The following PDGFC variants were observed in gnomAD, a reference collection of about 807,000 sequenced individuals.
PDGFC encodes platelet derived growth factor C.
Under a neutral mutation model 35.5 loss-of-function variants are expected in PDGFC, and 12 were observed. That is an observed-to-expected ratio of 0.34 (90% confidence interval 0.22 to 0.55). The LOEUF (loss-of-function observed/expected upper bound fraction) is 0.55, where lower values mean the gene tolerates loss of function less well. PDGFC is among the 20% of genes least tolerant of loss of function. PDGFC has a pLI of 0.91. For missense variants in PDGFC, 322 were observed against 412.4 expected (o/e 0.78, Z 1.90); for synonymous variants, 159 against 148.8 (o/e 1.07, Z -0.50).
chr4:156,966,282 T>C lies in PDGFC; in HGVS notation c.118+4504A>G, dbSNP rs185842988. Among the ~76,000 whole-genome samples, 894 of 152,280 alleles carry C rather than the reference T, an allele frequency of 5.9e-3. 3 individuals carry two copies. The highest frequency in any genetic ancestry group is 0.014 in the Middle Eastern group (4 of 294). On this transcript the variant is annotated intron_variant, in intron 1 of 5. Coordinates refer to ENST00000502773, the MANE Select transcript of PDGFC (RefSeq NM_016205.3). Reference sequence around the variant, plus strand: ...GAGATTGCTTAATAAATGAGTTATATAGAGATTACATAGAGTTACACAGAG... The same window carrying C: ...GAGATTGCTTAATAAATGAGTTATACAGAGATTACATAGAGTTACACAGAG...
intron 1 of PDGFC, among the ~76,000 whole-genome samples, chr4:156,912,885 T>C (rs564177281): frequency 6.6e-6 from 1 of 152,168 alleles, no homozygotes; most frequent in East Asian, 1.9e-4. Context: ...CTAAAATAGC[T>C]GGAGGGATTA....
chr4:156,799,605 C>T (rs1300460166), intron 3 of PDGFC, among the ~76,000 whole-genome samples: 1 of 152,130 alleles, frequency 6.6e-6, no homozygotes, highest in Non-Finnish European at 1.5e-5. Flanking sequence ...TTTTATTCTC[C>T]TATTTCTTAG....
chr4:156,825,590 TAATAAGAAGAAGAAGAAGAAGAAG>T (rs1181930394), intron 2 of PDGFC, among the ~76,000 whole-genome samples: 1,488 of 78,218 alleles, frequency 0.019, 7 homozygotes, highest in Middle Eastern at 0.025. Flanking sequence ...ATAATAATAA[TAATAAGAAGAAGAAGAAGAAGAAG>T]AAGAAGAAGA....
intron 1 of PDGFC, among the ~76,000 whole-genome samples, chr4:156,935,937 T>C (rs1208214889): frequency 6.6e-6 from 1 of 152,194 alleles, no homozygotes; most frequent in African/African-American, 2.4e-5. Flanking sequence ...AAAATCTATA[T>C]ACTGACTATT....
chr4:156,952,189 C>T (rs1732100014), intron 1 of PDGFC, among the ~76,000 whole-genome samples: 1 of 151,764 alleles, frequency 6.6e-6, no homozygotes, highest in Admixed American at 6.6e-5. Context: ...CCTGATTCTA[C>T]CAATATCCTC....
rs143086152 is a variant in PDGFC, at chr4:156,807,004, A to G, written c.495+3833T>C. ...TCTTCCCAAACAATCTCTCACTGCT[A>G]ATCTACCAGGTCTTTTTTTTTTTTC... On this transcript the variant is annotated intron_variant, in intron 3 of 5. Coordinates refer to ENST00000502773, the MANE Select transcript of PDGFC (RefSeq NM_016205.3). Among the ~76,000 whole-genome samples, 19 of 150,786 alleles carry G rather than the reference A, an allele frequency of 1.3e-4. 2 individuals carry two copies. The highest frequency in any genetic ancestry group is 6.6e-4 in the Admixed American group (10 of 15,104).
chr4:156,772,038 G>C (rs1730706157), intron 4 of PDGFC, among the ~76,000 whole-genome samples: 2 of 152,106 alleles, frequency 1.3e-5, no homozygotes, highest in Non-Finnish European at 2.9e-5. Flanking sequence ...TTCACTCTTA[G>C]AGAAAGATAC....
In PDGFC at chr4:156,797,038, C is replaced by A. The variant is rs967321047; in HGVS notation, c.495+13799G>T. Among the ~76,000 whole-genome samples, 3 of 151,794 alleles carry A rather than the reference C, an allele frequency of 2.0e-5. No individual in the cohort carries two copies. In the East Asian group the frequency reaches 5.8e-4, roughly 30 times the overall value. ...GGATCATGAGGTGAGGAGATTGAGA[C>A]CATCTTGGCTAACACGGTGAAACCC... On this transcript the variant is annotated intron_variant, in intron 3 of 5. Transcript: ENST00000502773.
intron 3 of PDGFC, among the ~76,000 whole-genome samples, chr4:156,783,274 T>C (rs1307804247): frequency 6.6e-6 from 1 of 152,120 alleles, no homozygotes; most frequent in Non-Finnish European, 1.5e-5. Flanking sequence ...GTGTGTGCCA[T>C]GCTATGGAAT....
intron 1 of PDGFC, among the ~76,000 whole-genome samples, chr4:156,954,773 G>A (rs753822985): frequency 1.4e-4 from 22 of 151,904 alleles, no homozygotes; most frequent in Non-Finnish European, 3.1e-4. Context: ...TTAAAATGAA[G>A]CCAGACGTTA....
chr4:156,955,574 C>T (rs924943452), intron 1 of PDGFC, among the ~76,000 whole-genome samples: 4 of 151,688 alleles, frequency 2.6e-5, no homozygotes, highest in African/African-American at 9.7e-5. Context: ...AATAATAATA[C>T]GAAAAATGTA....
intron 3 of PDGFC, among the ~76,000 whole-genome samples, chr4:156,780,996 C>T (rs1169045243): frequency 6.6e-6 from 1 of 152,108 alleles, no homozygotes; most frequent in Non-Finnish European, 1.5e-5. Context: ...TGGAGTGTCC[C>T]AAGGATCTCT....
chr4:156,825,593 T>G (rs4304018), intron 2 of PDGFC, among the ~76,000 whole-genome samples: 21,653 of 60,482 alleles, frequency 0.36, 3,866 homozygotes, highest in Non-Finnish European at 0.38. Context: ...ATAATAATAA[T>G]AAGAAGAAGA....
intron 1 of PDGFC, among the ~76,000 whole-genome samples, chr4:156,965,978 T>G (rs2110985078): frequency 6.6e-6 from 1 of 152,256 alleles, no homozygotes; most frequent in South Asian, 2.1e-4. Flanking sequence ...GCATTGGAAT[T>G]TCTGCTTCAT....
intron 1 of PDGFC, among the ~76,000 whole-genome samples, chr4:156,861,922 T>G (rs926029942): frequency 6.6e-6 from 1 of 152,100 alleles, no homozygotes; most frequent in South Asian, 2.1e-4. Flanking sequence ...TCCCTTAATA[T>G]CTTGTCCCAG....
intron 3 of PDGFC, among the ~76,000 whole-genome samples, chr4:156,782,443 A>G (rs1280065816): frequency 6.6e-6 from 1 of 152,220 alleles, no homozygotes; most frequent in Non-Finnish European, 1.5e-5. Flanking sequence ...GTAACTAGTT[A>G]GCATGCCGTT....
At chr4:156,774,185 T>C (rs1424943313) in intron 3 of PDGFC, among the ~76,000 whole-genome samples, 1 of 152,160 alleles carries the variant, frequency 6.6e-6, no homozygotes, top group Non-Finnish European at 1.5e-5. Flanking sequence ...AAAACTGACC[T>C]CTGCTCACCT....
chr4:156,851,527 T>C (rs1017766534), intron 1 of PDGFC, among the ~76,000 whole-genome samples: 1 of 152,136 alleles, frequency 6.6e-6, no homozygotes, highest in Admixed American at 6.5e-5. Flanking sequence ...AGTATTCCTA[T>C]ACCCAACCAG....
intron 1 of PDGFC, among the ~76,000 whole-genome samples, chr4:156,883,820 CA>C (rs1354734518): frequency 1.3e-5 from 2 of 152,052 alleles, no homozygotes; most frequent in African/African-American, 2.4e-5. Context: ...ATGTAATTAA[CA>C]ATATTATTAT....
Sources: allele counts gnomAD v4.1 joint callset (sites outside exome capture counted in the v4.1 genomes callset), GRCh38; gene constraint gnomAD v4.1.1; transcripts MANE v1.5; gene names NCBI Gene and HGNC (gene_info 2026-07-23, HGNC 2026-07-21).